Variants in ANKRD39 observed in about 807,000 individuals in gnomAD.
ANKRD39 encodes ankyrin repeat domain 39, also known as ankyrin repeat domain-containing protein 39.
ANKRD39 carries 18 observed loss-of-function variants against 20.3 expected under a neutral mutation model. The ratio of observed to expected loss-of-function variants is 0.89; its 90% CI spans 0.61 to 1.32. The LOEUF (loss-of-function observed/expected upper bound fraction) is 1.32. ANKRD39 is among the 40% of genes most tolerant of loss of function. The probability of loss-of-function intolerance (pLI) is 0.00; values close to 1 mark genes in which losing one functional copy is unlikely to be tolerated. For missense variants in ANKRD39, 243 were observed against 250.7 expected (o/e 0.97, Z 0.21); for synonymous variants, 106 against 111.9 (o/e 0.95, Z 0.33).
chr2:96,853,410 A>C lies in ANKRD39; in HGVS notation c.399T>G (p.Ser133Arg). The C allele has an allele frequency of 6.3e-7, 1 of 1,577,142 alleles. No individual in the cohort carries two copies. The highest frequency in any genetic ancestry group is 8.6e-7 in the Non-Finnish European group (1 of 1,161,474). Residue 133 changes from serine to arginine, a missense_variant, in exon 3 of 4, where the codon AGT becomes AGG. Transcript: ENST00000393537. ...PRVVDDDGMT[S>R]LHKAAERGHG... Reference sequence around the variant, plus strand: ...GGGGGAACGGGCCCACCTTATGCAGACTGGTCATGCCGTCGTCATCCACCA... The same window carrying C: ...GGGGGAACGGGCCCACCTTATGCAGCCTGGTCATGCCGTCGTCATCCACCA...
intron 3 of ANKRD39, among the ~76,000 whole-genome samples, chr2:96,849,938 A>G (rs1273267933): frequency 6.6e-6 from 1 of 152,216 alleles, no homozygotes; most frequent in Non-Finnish European, 1.5e-5. Context: ...TACATAGACT[A>G]TCTTATTTAA....
At chr2:96,853,362 A>G (rs765801780) in intron 3 of ANKRD39, 39 bp downstream of exon 3, 84 of 1,544,026 alleles carry the variant, frequency 5.4e-5, no homozygotes, top group Non-Finnish European at 7.3e-5. Context: ...AACTTTAAAA[A>G]TAAGGAAACG....
At chr2:96,857,369 C>A (rs2079870501) in intron 1 of ANKRD39, among the ~76,000 whole-genome samples, 1 of 152,224 alleles carries the variant, frequency 6.6e-6, no homozygotes, top group Admixed American at 6.5e-5. Context: ...AACGTGTTAC[C>A]TCTCTGGGTC....
rs2079875123 is a variant in ANKRD39, at chr2:96,857,970, G to C, written c.18C>G (p.Pro6=). 15 of 1,546,130 alleles carry C rather than the reference G, an allele frequency of 9.7e-6. No individual in the cohort carries two copies. The highest frequency in any genetic ancestry group is 1.3e-5 in the Non-Finnish European group (15 of 1,154,054). The change falls in exon 1 of 4, where the codon CCC becomes CCG. Residue 6 remains proline, a synonymous_variant. Transcript: ENST00000393537. MATPR[P]CADGPCCSHP... is the part of the protein sequence containing the mutation. ...GCGAGCAGCAGGGCCCGTCCGCGCA[G>C]GGCCGAGGCGTCGCCATCCCGGCCC...
At chr2:96,855,422 A>G (rs1249651808) in intron 1 of ANKRD39, among the ~76,000 whole-genome samples, 1 of 152,232 alleles carries the variant, frequency 6.6e-6, no homozygotes, top group Non-Finnish European at 1.5e-5. Context: ...TGTAGTACAA[A>G]ATGATAAATA....
intron 3 of ANKRD39, among the ~76,000 whole-genome samples, chr2:96,851,530 A>G (rs2079837022): frequency 6.6e-6 from 1 of 152,156 alleles, no homozygotes; most frequent in Non-Finnish European, 1.5e-5. Flanking sequence ...GACTCAAGCA[A>G]TTAGCCTGCC....
In ANKRD39 at chr2:96,853,519, C is replaced by A. The variant is rs897043134; in HGVS notation, c.290G>T (p.Gly97Val). 3.7e-6 allele frequency: 6 copies of A among 1,613,358 alleles called. No homozygotes were observed. Among genetic ancestry groups the A allele is most frequent in the East Asian group, 4.5e-5 (2 of 44,882 alleles). ...GAKCDAQTHGGATALHRASYC... is the reference protein window; with the variant it reads ...GAKCDAQTHGVATALHRASYC... ...GCTGGCTCGGTGCAGAGCAGTGGCA[C>A]CCCCGTGGGTCTGGGCATCACACTT... is the stretch of plus-strand genomic sequence containing the variant. Residue 97 changes from glycine to valine, a missense_variant, in exon 3 of 4, where the codon GGT becomes GTT. Transcript: ENST00000393537.
chr2:96,853,843 T>C (rs909634197), intron 2 of ANKRD39, among the ~76,000 whole-genome samples: 1 of 152,194 alleles, frequency 6.6e-6, no homozygotes, highest in Non-Finnish European at 1.5e-5. Context: ...AACTAAATCA[T>C]TGGCTGGGCG....
At chr2:96,854,200 T>C in intron 2 of ANKRD39, 138 bp downstream of exon 2, 1 of 878,756 alleles carries the variant, frequency 1.1e-6, no homozygotes, top group Non-Finnish European at 1.8e-6. Flanking sequence ...CATATGATGC[T>C]TAAAAAGAGA....
At position 96,857,979 on chromosome 2, in the gene ANKRD39, C is replaced by T. The variant is rs1293372769; in HGVS notation, c.9G>A (p.Thr3=). 2.0e-5 allele frequency: 30 copies of T among 1,536,592 alleles called. No homozygotes were observed. Among genetic ancestry groups the T allele is most frequent in the Non-Finnish European group, 2.4e-5 (28 of 1,149,164 alleles). ...AGGGCCCGTCCGCGCAGGGCCGAGG[C>T]GTCGCCATCCCGGCCCCGGCGTCAG... MA[T]PRPCADGPCC... Residue 3 remains threonine (T), a synonymous_variant, in exon 1 of 4, where the codon ACG becomes ACA. Transcript: ENST00000393537.
rs141955527 is a variant in ANKRD39, at chr2:96,854,405, C to T, written c.137G>A (p.Arg46Gln). The T allele has an allele frequency of 2.2e-5, 36 of 1,614,188 alleles. No individual in the cohort carries two copies. In the Middle Eastern group the frequency reaches 4.9e-4, roughly 22 times the overall value. ...WSAALNGDLG[R>Q]VKHLIQKAED... ...GGCCTTCTGGATTAAATGCTTCACT[C>T]GGCCCAGGTCTCCATTCAGGGCTGC... The change falls in exon 2 of 4, where the codon CGA becomes CAA. Residue 46 changes from arginine to glutamine, a missense_variant. Transcript: ENST00000393537.
Position 96,848,218 on chromosome 2 carries a change from A to T in ANKRD39, c.*83T>A. 1 of 1,568,966 alleles carries T rather than the reference A, an allele frequency of 6.4e-7. No individual in the cohort carries two copies. Among genetic ancestry groups the T allele is most frequent in the Non-Finnish European group, 8.7e-7 (1 of 1,152,164 alleles). ...GTGGTCTGGCCTCAGTTCCCTGCCC[A>T]GCAGCATGGATGCTGACCAAGGCAG... On this transcript the variant is annotated 3_prime_UTR_variant, in exon 4 of 4. Transcript: ENST00000393537.
At chr2:96,857,037 T>G (rs1489411170) in intron 1 of ANKRD39, among the ~76,000 whole-genome samples, 1 of 152,120 alleles carries the variant, frequency 6.6e-6, no homozygotes, top group Non-Finnish European at 1.5e-5. Context: ...TGATTTCTAA[T>G]TTTCAAAAAG....
In ANKRD39 at chr2:96,848,298, G is replaced by T. The variant is rs765228262; in HGVS notation, c.*3C>A. On this transcript the variant is annotated 3_prime_UTR_variant, in exon 4 of 4. Transcript: ENST00000393537. ...TAAAGGCAGCTGGAGATAGGGTGGCGGCTCAGCTGGATAGCAGGTCCCGCA... is the reference window on the plus strand; with the variant it reads ...TAAAGGCAGCTGGAGATAGGGTGGCTGCTCAGCTGGATAGCAGGTCCCGCA... The T allele has an allele frequency of 1.2e-6, 2 of 1,613,876 alleles. No individual in the cohort carries two copies. Among genetic ancestry groups the T allele is most frequent in the East Asian group, 4.5e-5 (2 of 44,874 alleles).
chr2:96,852,275 T>C (rs2079841437), intron 3 of ANKRD39, among the ~76,000 whole-genome samples: 1 of 149,510 alleles, frequency 6.7e-6, no homozygotes, highest in African/African-American at 2.5e-5. Flanking sequence ...TAGTCCCAGC[T>C]ACTCAGGAGG....
chr2:96,851,828 G>A (rs2079839112), intron 3 of ANKRD39, among the ~76,000 whole-genome samples: 1 of 152,122 alleles, frequency 6.6e-6, no homozygotes, highest in African/African-American at 2.4e-5. Flanking sequence ...AAAAACGGGA[G>A]GGGAGAGGCA....
At chr2:96,848,601 C>T (rs770671896) in intron 3 of ANKRD39, among the ~76,000 whole-genome samples, 157 bp from the exon 4 acceptor site, 1 of 152,108 alleles carries the variant, frequency 6.6e-6, no homozygotes, top group East Asian at 1.9e-4. Context: ...CCAAGGCAGG[C>T]GGATCACAAG....
At chr2:96,849,183 C>T (rs2079824857) in intron 3 of ANKRD39, among the ~76,000 whole-genome samples, 1 of 152,074 alleles carries the variant, frequency 6.6e-6, no homozygotes, top group Non-Finnish European at 1.5e-5. Flanking sequence ...GACAGGGTCT[C>T]ACTCTGTTGC....
chr2:96,853,678 T>C (rs1449627136), intron 2 of ANKRD39, 74 bp from the exon 3 acceptor site: 16 of 1,442,516 alleles, frequency 1.1e-5, no homozygotes, highest in Non-Finnish European at 1.4e-5. Flanking sequence ...GGTGAGAGCA[T>C]GGCCTCCCTG....
Sources: allele counts gnomAD v4.1 joint callset (sites outside exome capture counted in the v4.1 genomes callset), GRCh38; gene constraint gnomAD v4.1.1; transcripts MANE v1.5; gene names NCBI Gene and HGNC (gene_info 2026-07-23, HGNC 2026-07-21).